Variants in NEB observed in about 807,000 individuals in gnomAD.
The protein encoded by NEB is nemaline myopathy type 2.
Under a neutral mutation model 952.2 loss-of-function variants are expected in NEB, and 512 were observed. The observed-to-expected ratio is 0.54, with a 90% confidence interval of 0.50 to 0.58. The LOEUF is 0.58. Ranked by LOEUF, NEB falls within the 20% of genes least tolerant of loss-of-function variation. The pLI, the probability that NEB is intolerant of heterozygous loss-of-function variation, is 0.00. For synonymous variants in NEB, 2,900 were observed against 3,149.8 expected (o/e 0.92, Z 2.66); for missense variants, 8,428 against 9,231.1 (o/e 0.91, Z 3.56).
intron 181 of NEB, among the ~76,000 whole-genome samples, chr2:151,486,915 A>G (rs1003071190): frequency 1.3e-5 from 2 of 152,230 alleles, no homozygotes; most frequent in African/African-American, 4.8e-5. Flanking sequence ...ATTCACCAGA[A>G]GAGTTTTGAA....
At chr2:151,561,608 TTTA>T (rs1275604068) in intron 121 of NEB, among the ~76,000 whole-genome samples, 1 of 151,490 alleles carries the variant, frequency 6.6e-6, no homozygotes. Context: ...CTTTTTTTTT[TTTA>T]TTATTATACT....
Position 151,526,139 on chromosome 2 carries a change from A to T in NEB, c.22050+19T>A. The T allele has an allele frequency of 6.2e-7, 1 of 1,612,310 alleles. No individual in the cohort carries two copies. Among genetic ancestry groups the T allele is most frequent in the Non-Finnish European group, 8.5e-7 (1 of 1,178,296 alleles). On this transcript the variant is annotated intron_variant, in intron 149 of 181. Transcript: ENST00000397345. Reference sequence around the variant, plus strand: ...TTCTCCCAAGAGGGAAGCAGAACTCATGGGCGGCTGGGGGTTACCTCAGAC... The same window carrying T: ...TTCTCCCAAGAGGGAAGCAGAACTCTTGGGCGGCTGGGGGTTACCTCAGAC...
intron 68 of NEB, among the ~76,000 whole-genome samples, chr2:151,628,745 C>T (rs1399744365): frequency 2.6e-5 from 4 of 151,942 alleles, no homozygotes; most frequent in Non-Finnish European, 5.9e-5. Context: ...GCCTGTAATC[C>T]CAGTTACTTG....
chr2:151,575,973 T>C (rs1043086260), intron 106 of NEB, among the ~76,000 whole-genome samples, 174 bp from the exon 107 acceptor site: 1 of 152,170 alleles, frequency 6.6e-6, no homozygotes, highest in South Asian at 2.1e-4. Context: ...ATCTGTATTA[T>C]TCCCTTTTAT....
At chr2:151,494,764 T>C (rs1301910029) in intron 173 of NEB, among the ~76,000 whole-genome samples, 2 of 152,204 alleles carry the variant, frequency 1.3e-5, no homozygotes, top group African/African-American at 4.8e-5. Flanking sequence ...TTCTTCTGCC[T>C]CAGCCTCCTG....
At chr2:151,578,817 C>T (rs1167705915) in intron 105 of NEB, among the ~76,000 whole-genome samples, 1 of 151,790 alleles carries the variant, frequency 6.6e-6, no homozygotes, top group South Asian at 2.1e-4. Context: ...CATGGTGGCT[C>T]ACTTCTGTAA....
rs1343405735 is a variant in NEB at position 151,614,366 on chromosome 2, T to G, written c.11511A>C (p.Ile3837=). ...ATTCATGCAGGGGATGCTTGTAGTC[T>G]ATGTCGCTTACAAGGATCTGACACT... ...AKKCQILVSD[I]DYKHPLHEWT... is the part of the protein sequence containing the mutation. The change falls in exon 77 of 182, where the codon ATA becomes ATC. Residue 3837 remains isoleucine, a synonymous_variant. Coordinates refer to ENST00000397345, the MANE Select transcript of NEB (RefSeq NM_001164508.2). 6.2e-7 allele frequency: 1 copy of G among 1,613,940 alleles called. No individual in the cohort carries two copies. Among genetic ancestry groups the G allele is most frequent in the Middle Eastern group, 1.6e-4 (1 of 6,062 alleles).
At chr2:151,638,140 A>C (rs2098797956) in intron 63 of NEB, among the ~76,000 whole-genome samples, 1 of 152,238 alleles carries the variant, frequency 6.6e-6, no homozygotes, top group Admixed American at 6.5e-5. Flanking sequence ...CAAACGCATA[A>C]ATGCAGGATG....
intron 37 of NEB, among the ~76,000 whole-genome samples, chr2:151,671,646 G>A (rs540879298): frequency 1.3e-5 from 2 of 152,132 alleles, no homozygotes; most frequent in Non-Finnish European, 2.9e-5. Flanking sequence ...CTGCTAAAAA[G>A]CATTTTGTCA....
At chr2:151,671,461 G>T in intron 37 of NEB, 2 of 419,842 alleles carry the variant, frequency 4.8e-6, no homozygotes, top group East Asian at 3.8e-5. Flanking sequence ...CATGGGTACT[G>T]CTAAAAAAAA....
rs1030297061 is a variant in NEB, at chr2:151,497,875, T to C, written c.24208-157A>G. Reference sequence around the variant, plus strand: ...ACTTTAGTGGAAGCTGTTGTTGGGATAGGGAATCTGCACCCTCTAGAGAAG... The same window carrying C: ...ACTTTAGTGGAAGCTGTTGTTGGGACAGGGAATCTGCACCCTCTAGAGAAG... On this transcript the variant is annotated intron_variant, in intron 170 of 181. Coordinates refer to ENST00000397345, the MANE Select transcript of NEB (RefSeq NM_001164508.2). The C allele has an allele frequency of 6.0e-6, 9 of 1,503,542 alleles. No individual in the cohort carries two copies. In the African/African-American group the frequency reaches 1.1e-4, roughly 19 times the overall value. The allele number at this position is 1,503,542 out of a possible 1,614,324, so 93.1% of individuals were successfully genotyped here.
At chr2:151,528,085 G>A (rs1353137699) in intron 146 of NEB, among the ~76,000 whole-genome samples, 4 of 152,138 alleles carry the variant, frequency 2.6e-5, no homozygotes, top group African/African-American at 9.7e-5. Flanking sequence ...GGATAGAAAG[G>A]TTAAGTAAAC....
At chr2:151,634,794 T>C (rs1357717231) in intron 64 of NEB, among the ~76,000 whole-genome samples, 2 of 152,188 alleles carry the variant, frequency 1.3e-5, no homozygotes, top group African/African-American at 4.8e-5. Context: ...TGGCATCATT[T>C]TGAAAACTGA....
intron 105 of NEB, among the ~76,000 whole-genome samples, chr2:151,579,085 A>C (rs1234191593): frequency 4.7e-5 from 7 of 149,380 alleles, no homozygotes; most frequent in Non-Finnish European, 1.0e-4. Context: ...CATCTCAAAA[A>C]AAAAAAAAAA....
At chr2:151,534,300 T>A in intron 142 of NEB, 2 of 1,613,512 alleles carry the variant, frequency 1.2e-6, no homozygotes, top group Non-Finnish European at 1.7e-6. Flanking sequence ...CCGCTGCTCA[T>A]AATCAGCTCT....
At chr2:151,523,249 T>TA (rs971862518) in intron 153 of NEB, among the ~76,000 whole-genome samples, 135 of 152,316 alleles carry the variant, frequency 8.9e-4, no homozygotes, top group African/African-American at 3.0e-3. Context: ...TATAATAAAA[T>TA]ATGTTACATA....
At chr2:151,644,358 C>A (rs2098926825) in intron 56 of NEB, 110 bp downstream of exon 56, 1 of 1,142,986 alleles carries the variant, frequency 8.7e-7, no homozygotes, top group East Asian at 2.4e-5. Context: ...TCATTTTATT[C>A]CACTGTAATT....
chr2:151,671,131 T>A lies in NEB; in HGVS notation c.4398A>T (p.Ala1466=), dbSNP rs368136951. The A allele has an allele frequency of 3.7e-6, 6 of 1,613,868 alleles. No homozygotes were observed. The highest frequency in any genetic ancestry group is 5.1e-6 in the Non-Finnish European group (6 of 1,179,844). ...GCTGTCGATACTTCCTCTCATTTAATGCATCGCCTGCTTTCTTGACCTTCT... is the reference window on the plus strand; with the variant it reads ...GCTGTCGATACTTCCTCTCATTTAAAGCATCGCCTGCTTTCTTGACCTTCT... ...EVEKVKKAGD[A]LNERKYRQHP... is the part of the protein sequence containing the mutation. Residue 1466 remains alanine, a synonymous_variant, in exon 38 of 182, where the codon GCA becomes GCT. Coordinates refer to ENST00000397345, the MANE Select transcript of NEB (RefSeq NM_001164508.2).
At chr2:151,644,836 A>T (rs2154118493) in intron 55 of NEB, among the ~76,000 whole-genome samples, 1 of 152,320 alleles carries the variant, frequency 6.6e-6, no homozygotes, top group East Asian at 1.9e-4. Context: ...ATACATTCCG[A>T]GAAATGTATT....
Sources: allele counts gnomAD v4.1 joint callset (sites outside exome capture counted in the v4.1 genomes callset), GRCh38; gene constraint gnomAD v4.1.1; transcripts MANE v1.5; gene names NCBI Gene and HGNC (gene_info 2026-07-23, HGNC 2026-07-21).